OTOG: variants seen among roughly 807,000 people sequenced by gnomAD.
OTOG encodes the protein otogelin.
In OTOG, 296 loss-of-function variants were observed where a neutral mutation model predicts 313.8. That is an observed-to-expected ratio of 0.94 (90% CI 0.86 to 1.04). OTOG has a LOEUF of 1.04. Ranked by LOEUF, OTOG falls within the 50% of genes least tolerant of loss-of-function variation. OTOG has a pLI of 0.00. For synonymous variants in OTOG, 1,533 were observed against 1,554.9 expected, an observed-to-expected ratio of 0.99 and a Z score of 0.33; for missense variants, 3,948 against 3,840.1, an observed-to-expected ratio of 1.03 and a Z score of -0.74.
At position 17,588,609 on chromosome 11, in the gene OTOG, C is replaced by T. The variant is rs181202882; in HGVS notation, c.2867+2028C>T. Reference sequence around the variant, plus strand: ...CATTGTTGCTGTCAGACACAGAGCCCTGGGTCATGCCCCTTTACTTCTAAA... The same window carrying T: ...CATTGTTGCTGTCAGACACAGAGCCTTGGGTCATGCCCCTTTACTTCTAAA... On this transcript the variant is annotated intron_variant, in intron 24 of 55. Coordinates refer to ENST00000399397, the MANE Select transcript of OTOG (RefSeq NM_001292063.2). Among the ~76,000 whole-genome samples, 10 of 152,308 alleles carry T rather than the reference C, an allele frequency of 6.6e-5. No homozygotes were observed. In the East Asian group the frequency reaches 1.9e-3, roughly 29 times the overall value.
intron 25 of OTOG, among the ~76,000 whole-genome samples, chr11:17,592,752 T>C (rs1406485067): frequency 6.6e-6 from 1 of 152,216 alleles, no homozygotes; most frequent in Non-Finnish European, 1.5e-5. Flanking sequence ...TTGTCTCCAA[T>C]ATTTAAATGC....
At chr11:17,613,199 CTTTCTTT>C (rs1853618818) in intron 38 of OTOG, among the ~76,000 whole-genome samples, 9 of 57,226 alleles carry the variant, frequency 1.6e-4, no homozygotes, top group Admixed American at 9.8e-4. Context: ...TCTTTCTTTT[CTTTCTTT>C]CTTTCTTTCT....
chr11:17,569,559 A>C (rs1852362499), intron 16 of OTOG, among the ~76,000 whole-genome samples: 1 of 152,180 alleles, frequency 6.6e-6, no homozygotes, highest in Admixed American at 6.5e-5. Flanking sequence ...GACTCTCATA[A>C]CTTGTTTATT....
At chr11:17,586,230 C>A (rs537373234) in intron 23 of OTOG, among the ~76,000 whole-genome samples, 2 of 152,288 alleles carry the variant, frequency 1.3e-5, no homozygotes, top group East Asian at 1.9e-4. Context: ...TAGAGATAAG[C>A]CTTGCTTCTT....
At chr11:17,623,886 T>G (rs1294615425) in intron 39 of OTOG, among the ~76,000 whole-genome samples, 1 of 152,202 alleles carries the variant, frequency 6.6e-6, no homozygotes. Context: ...ATTTGCATTT[T>G]TCTAATGATC....
intron 40 of OTOG, among the ~76,000 whole-genome samples, chr11:17,629,739 T>G (rs1854070202): frequency 6.6e-6 from 1 of 152,162 alleles, no homozygotes; most frequent in South Asian, 2.1e-4. Flanking sequence ...ATTAAGGGGC[T>G]TACCCAAGGG....
chr11:17,570,311 C>T lies in OTOG; in HGVS notation c.1876C>T (p.Leu626=). Residue 626 remains leucine, a synonymous_variant, in exon 17 of 56, where the codon CTG becomes TTG. Coordinates refer to ENST00000399397, the MANE Select transcript of OTOG (RefSeq NM_001292063.2). The part of the protein sequence containing the change: ...LYDREGLRLY[L]QVDQRWVEDT... ...CGACCGTGAAGGGCTCCGACTGTAC[C>T]TGCAAGTGGACCAGCGATGGGTGGA... 3.2e-6 allele frequency: 5 copies of T among 1,550,794 alleles called. No individual in the cohort carries two copies. Among genetic ancestry groups the T allele is most frequent in the Non-Finnish European group, 3.5e-6 (4 of 1,147,036 alleles).
intron 40 of OTOG, among the ~76,000 whole-genome samples, chr11:17,631,421 C>A: frequency 6.6e-6 from 1 of 150,570 alleles, no homozygotes; most frequent in South Asian, 2.1e-4. Flanking sequence ...TATGCACATG[C>A]AATACATATA....
chr11:17,632,942 G>T (rs892565444), intron 42 of OTOG, among the ~76,000 whole-genome samples: 1 of 152,206 alleles, frequency 6.6e-6, no homozygotes, highest in Non-Finnish European at 1.5e-5. Flanking sequence ...AATTTAGGGG[G>T]TCAGCACCAG....
chr11:17,613,326 G>T (rs996055061), intron 38 of OTOG, among the ~76,000 whole-genome samples: 20 of 89,138 alleles, frequency 2.2e-4, no homozygotes, highest in African/African-American at 9.3e-4. Flanking sequence ...TCTCTGCCCT[G>T]CCCTTCCTTC....
rs548278514 is a variant in OTOG at position 17,634,873 on chromosome 11, G to A, written c.7510G>A (p.Ala2504Thr). The A allele has an allele frequency of 2.3e-4, 341 of 1,475,916 alleles. No individual in the cohort carries two copies. In the African/African-American group the frequency reaches 3.7e-3, roughly 16 times the overall value. The allele number at this position is 1,475,916 out of a possible 1,614,324, so 91.4% of individuals were successfully genotyped here. Residue 2504 changes from alanine to threonine, a missense_variant, in exon 45 of 56, where the codon GCC becomes ACC. Physicochemically the swap from Ala to Thr is moderately conservative, Grantham distance 58 (BLOSUM62 0). Transcript: ENST00000399397. The part of the protein sequence containing the change: ...VCNQTLCEGL[A>T]PTCRPGHRLL... ...TAACCAGACTCTGTGTGAGGGTCTC[G>A]CCCCCACATGCCGCCCAGGCCACCG...
At chr11:17,605,704 T>TGGGC (rs2134081424) in intron 32 of OTOG, among the ~76,000 whole-genome samples, 153 bp from the exon 33 acceptor site, 1 of 151,020 alleles carries the variant, frequency 6.6e-6, no homozygotes, top group South Asian at 2.1e-4. Context: ...GCAGAGTAGG[T>TGGGC]GGGCTGGGGG....
chr11:17,548,566 TGGCCTGCGAA>T (rs1441770193), intron 3 of OTOG, among the ~76,000 whole-genome samples: 2 of 151,836 alleles, frequency 1.3e-5, no homozygotes, highest in Non-Finnish European at 2.9e-5. Flanking sequence ...TTTCCCTGAC[TGGCCTGCGAA>T]GGCCCTCAAC....
intron 7 of OTOG, 23 bp downstream of exon 7, chr11:17,555,920 C>T (rs73418059): frequency 1.9e-4 from 294 of 1,514,726 alleles, no homozygotes; most frequent in Non-Finnish European, 1.2e-4. Context: ...CCTTCCACAT[C>T]GAGCTGTCCT....
Position 17,635,164 on chromosome 11 carries a change from C to T in OTOG, c.7670C>T (p.Ser2557Phe), listed in dbSNP as rs1418476631. 6.5e-7 allele frequency: 1 copy of T among 1,547,000 alleles called. No individual in the cohort carries two copies. Among genetic ancestry groups the T allele is most frequent in the Non-Finnish European group, 8.7e-7 (1 of 1,146,728 alleles). The change falls in exon 46 of 56, where the codon TCC becomes TTC. Residue 2557 changes from serine to phenylalanine, a missense_variant. Physicochemically the swap from Ser to Phe is radical, Grantham distance 155. Coordinates refer to ENST00000399397, the MANE Select transcript of OTOG (RefSeq NM_001292063.2). Reference protein sequence around the residue: ...QILITGRLGDSCCTSYFCACG... With the variant: ...QILITGRLGDFCCTSYFCACG... ...CTGATCACGGGCCGCCTGGGGGACT[C>T]CTGCTGCACCTCCTACTTCTGCGGT...
chr11:17,628,970 C>T (rs1352789220), intron 39 of OTOG, among the ~76,000 whole-genome samples, 163 bp from the exon 40 acceptor site: 1 of 152,220 alleles, frequency 6.6e-6, no homozygotes, highest in Non-Finnish European at 1.5e-5. Context: ...GATTTGGCTG[C>T]ATGTGCCTGA....
At position 17,553,471 on chromosome 11, in the gene OTOG, C is replaced by T. The variant is rs371569578; in HGVS notation, c.492C>T (p.Tyr164=). ...LYYYLSGKGS[Y]TLVGRHEPEG... The stretch of plus-strand genomic sequence containing the variant: ...ACTACCTCTCCGGAAAGGGCAGCTA[C>T]ACCCTGGTGGGTCGCCATGAGCCCG... Residue 164 remains tyrosine, a synonymous_variant, in exon 6 of 56, where the codon TAC becomes TAT. Coordinates refer to ENST00000399397, the MANE Select transcript of OTOG (RefSeq NM_001292063.2). 5.5e-6 allele frequency: 8 copies of T among 1,462,648 alleles called. No individual in the cohort carries two copies. In the African/African-American group the frequency reaches 7.1e-5, roughly 13 times the overall value. 90.6% of individuals were successfully genotyped at this position (1,462,648 alleles called of 1,614,324 possible).
Position 17,606,126 on chromosome 11 carries a change from C to T in OTOG, c.4147C>T (p.Arg1383Cys), listed in dbSNP as rs566689671. Residue 1383 changes from arginine to cysteine, a missense_variant, in exon 33 of 56, where the codon CGC becomes TGC. Physicochemically the swap from Arg to Cys is radical, Grantham distance 180 (BLOSUM62 -3). Transcript: ENST00000399397. The stretch of plus-strand genomic sequence containing the variant: ...GGTGTTCCGCCGGGGCACACTCTTC[C>T]GCCTTCTGGGTAGGCGACCCCCTGC... ...TEVFRRGTLF[R>C]LLDAKPSGAA... The T allele has an allele frequency of 3.0e-5, 46 of 1,535,196 alleles. 1 individual carries two copies. Among genetic ancestry groups the T allele is most frequent in the South Asian group, 2.9e-4 (24 of 82,382 alleles).
Position 17,612,227 on chromosome 11 carries a change from G to T in OTOG, c.6189G>T (p.Gln2063His). ...AGGGCCAGCTGATTCGCGTGAATCA[G>T]TCCCAGCACTGTCCCCAGGGTGCTG... The part of the protein sequence containing the change: ...CLEGQLIRVN[Q>H]SQHCPQGAAP... Residue 2063 changes from glutamine (Q) to histidine (H), a missense_variant, in exon 37 of 56, where the codon CAG (glutamine) becomes CAT (histidine). Gln to His is a conservative substitution (Grantham distance 24, BLOSUM62 0). Coordinates refer to ENST00000399397, the MANE Select transcript of OTOG (RefSeq NM_001292063.2). 6.5e-7 allele frequency: 1 copy of T among 1,549,112 alleles called. No homozygotes were observed. Among genetic ancestry groups the T allele is most frequent in the Non-Finnish European group, 8.7e-7 (1 of 1,146,992 alleles).
Sources: gnomAD v4.1 joint callset for allele counts (sites outside exome capture counted in the v4.1 genomes callset) on GRCh38, gnomAD v4.1.1 for gene constraint, MANE v1.5 for transcripts, NCBI Gene and HGNC (gene_info 2026-07-23, HGNC 2026-07-21) for gene names.